The following CRNN variants were observed in gnomAD, a reference collection of about 807,000 sequenced individuals.
CRNN encodes the protein 53 kDa putative calcium-binding protein.
A neutral mutation model predicts 44.7 loss-of-function variants in CRNN; 39 were observed. That is an observed-to-expected ratio of 0.87 (90% confidence interval 0.68 to 1.14). The LOEUF is 1.14. Ranked by LOEUF, CRNN falls within the 50% of genes most tolerant of loss-of-function variation. The pLI, the probability that CRNN is intolerant of heterozygous loss-of-function variation, is 0.00. For synonymous variants in CRNN, 240 were observed against 231.8 expected (o/e 1.04, Z -0.32); for missense variants, 606 against 605.1 (o/e 1.00, Z -0.02).
Position 152,409,942 on chromosome 1 carries a change from C to T in CRNN, c.1140G>A (p.Gln380=), listed in dbSNP as rs756153229. 6.2e-7 allele frequency: 1 copy of T among 1,614,210 alleles called. No individual in the cohort carries two copies. The highest frequency in any genetic ancestry group is 8.5e-7 in the Non-Finnish European group (1 of 1,180,050). The change falls in exon 3 of 3, where the codon CAG becomes CAA. Residue 380 remains glutamine (Q), a synonymous_variant. Coordinates refer to ENST00000271835, the MANE Select transcript of CRNN (RefSeq NM_016190.3). The part of the protein sequence containing the change: ...GAREQGQTQT[Q]PGSGQRWMQV... ...GCATCCATCTTTGACCACTGCCTGG[C>T]TGCGTCTGGGTCTGTCCCTGTTCTC...
chr1:152,409,274 G>C lies in CRNN; in HGVS notation c.*320C>G. On this transcript the variant is annotated 3_prime_UTR_variant, in exon 3 of 3. Coordinates refer to ENST00000271835, the MANE Select transcript of CRNN (RefSeq NM_016190.3). ...GCTTAAGGTTTTATTGATGCATTAG[G>C]GTAGATGGGGCAATAGAGAGATGTC... is the stretch of plus-strand genomic sequence containing the variant. The C allele has an allele frequency of 3.1e-6, 1 of 321,590 alleles. No individual in the cohort carries two copies. The highest frequency in any genetic ancestry group is 5.7e-6 in the Non-Finnish European group (1 of 175,506). The allele number at this position is 321,590 out of a possible 1,614,324, so 19.9% of individuals were successfully genotyped here.
chr1:152,411,963 A>C (rs1387568512), intron 2 of CRNN, 133 bp downstream of exon 2: 1 of 945,442 alleles, frequency 1.1e-6, no homozygotes, highest in East Asian at 2.7e-5. Flanking sequence ...TTCTGCCTGC[A>C]CAGCTGCCAT....
At chr1:152,413,065 C>A (rs1655818153) in intron 1 of CRNN, among the ~76,000 whole-genome samples, 1 of 152,022 alleles carries the variant, frequency 6.6e-6, no homozygotes, top group Non-Finnish European at 1.5e-5. Context: ...GAGGGGGGAA[C>A]CTTCTTTGGG....
chr1:152,410,070 T>A lies in CRNN; in HGVS notation c.1012A>T (p.Thr338Ser), dbSNP rs775893096. The stretch of plus-strand genomic sequence containing the variant: ...TGTCCTCCTGTCACAGCCTGGCTGG[T>A]CTGGCTCCTGCCTTGACCGTGGATC... ...TEIHGQGRSQTSQAVTGGHTQ... is the reference protein window; with the variant it reads ...TEIHGQGRSQSSQAVTGGHTQ... The change falls in exon 3 of 3, where the codon ACC becomes TCC. Residue 338 changes from threonine (T) to serine (S), a missense_variant. By Grantham distance (58) the Thr-to-Ser change is moderately conservative. Coordinates refer to ENST00000271835, the MANE Select transcript of CRNN (RefSeq NM_016190.3). 3.7e-6 allele frequency: 6 copies of A among 1,614,032 alleles called. No individual in the cohort carries two copies. In the East Asian group the frequency reaches 1.1e-4, roughly 30 times the overall value.
In CRNN at chr1:152,409,762, C is replaced by A. The variant is rs1398408884; in HGVS notation, c.1320G>T (p.Glu440Asp). The A allele has an allele frequency of 6.2e-7, 1 of 1,614,260 alleles. No homozygotes were observed. Among genetic ancestry groups the A allele is most frequent in the Non-Finnish European group, 8.5e-7 (1 of 1,180,050 alleles). Residue 440 changes from glutamate (E) to aspartate (D), a missense_variant, in exon 3 of 3, where the codon GAG becomes GAT. Physicochemically the swap from Glu to Asp is conservative, Grantham distance 45. Transcript: ENST00000271835. ...CCCTTGAGTGGTCATCAACCCATTC[C>A]TCACCAACCACTGTGGGCTGTCTGT... ...QGDRQPTVVG[E>D]EWVDDHSRET...
Position 152,410,442 on chromosome 1 carries a change from T to C in CRNN, c.640A>G (p.Thr214Ala). 6 of 1,614,164 alleles carry C rather than the reference T, an allele frequency of 3.7e-6. No homozygotes were observed. Among genetic ancestry groups the C allele is most frequent in the Non-Finnish European group, 5.1e-6 (6 of 1,180,024 alleles). ...TGGTGGGCTCTGTCCTGTTCCCTGGTCTGTGGCTGTCTCTCTGGCCTCATC... is the reference window on the plus strand; with the variant it reads ...TGGTGGGCTCTGTCCTGTTCCCTGGCCTGTGGCTGTCTCTCTGGCCTCATC... ...TEMRPERQPQ[T>A]REQDRAHQTG... Residue 214 changes from threonine to alanine, a missense_variant, in exon 3 of 3, where the codon ACC (threonine) becomes GCC (alanine). Thr to Ala is a moderately conservative substitution (Grantham distance 58, BLOSUM62 0). Coordinates refer to ENST00000271835, the MANE Select transcript of CRNN (RefSeq NM_016190.3).
chr1:152,409,864 A>T lies in CRNN; in HGVS notation c.1218T>A (p.Thr406=). The stretch of plus-strand genomic sequence containing the variant: ...GCCTTCCTGACTCAGTGCTTGCCCC[A>T]GTCTGGGCCTGTCCTCCCGGTACTG... The part of the protein sequence containing the change: ...GETVPGGQAQ[T]GASTESGRQE... The change falls in exon 3 of 3, where the codon ACT becomes ACA. Residue 406 remains threonine, a synonymous_variant. Transcript: ENST00000271835. The T allele has an allele frequency of 6.2e-7, 1 of 1,614,134 alleles. No individual in the cohort carries two copies.
At position 152,409,468 on chromosome 1, in the gene CRNN, C is replaced by T. The variant is rs1362092215; in HGVS notation, c.*126G>A. The T allele has an allele frequency of 2.7e-6, 4 of 1,474,996 alleles. No homozygotes were observed. Among genetic ancestry groups the T allele is most frequent in the Non-Finnish European group, 3.6e-6 (4 of 1,112,414 alleles). The allele number at this position is 1,474,996 out of a possible 1,614,324, so 91.4% of individuals were successfully genotyped here. ...GCAGAAATTATCTCATTGAGAAAGA[C>T]CTAAAAGGGAAGCTGCATAATGAAG... On this transcript the variant is annotated 3_prime_UTR_variant, in exon 3 of 3. Transcript: ENST00000271835.
In CRNN at chr1:152,412,047, T is replaced by C. The variant is rs747687089; in HGVS notation, c.138+49A>G. 22 of 1,529,068 alleles carry C rather than the reference T, an allele frequency of 1.4e-5. No individual in the cohort carries two copies. The South Asian group carries it at 2.6e-4, about 18-fold the overall frequency. 94.7% of individuals were successfully genotyped at this position (1,529,068 alleles called of 1,614,324 possible). A position where few individuals can be genotyped will look rare whatever the true frequency, so the allele number is the denominator to read the frequency against. On this transcript the variant is annotated intron_variant, in intron 2 of 2. Transcript: ENST00000271835. Reference sequence around the variant, plus strand: ...GCAAGGCCTCTGCAGGCAAACCAGGTTTCACTCTCCTGCTATGTCCCCTCT... The same window carrying C: ...GCAAGGCCTCTGCAGGCAAACCAGGCTTCACTCTCCTGCTATGTCCCCTCT...
At chr1:152,412,311 C>T (rs1490537219) in intron 1 of CRNN, 65 bp from the exon 2 acceptor site, 15 of 1,475,148 alleles carry the variant, frequency 1.0e-5, no homozygotes, top group East Asian at 4.7e-5. Flanking sequence ...CTTTATAGCA[C>T]GTCTGCTGCT....
At position 152,410,740 on chromosome 1, in the gene CRNN, G is replaced by A. The variant is rs776277743; in HGVS notation, c.342C>T (p.Gly114=). The part of the protein sequence containing the change: ...SLHSGASQEL[G]EGQRSGTEVG... ...CTTCAGTGCCACTTCTCTGTCCTTC[G>A]CCCAGCTCCTGCGAGGCCCCAGAGT... Residue 114 remains glycine, a synonymous_variant, in exon 3 of 3, where the codon GGC becomes GGT. Transcript: ENST00000271835. 71 of 1,613,902 alleles carry A rather than the reference G, an allele frequency of 4.4e-5. No homozygotes were observed. In the Admixed American group the frequency reaches 1.1e-3, roughly 24 times the overall value.
At position 152,409,397 on chromosome 1, in the gene CRNN, A is replaced by G; in HGVS notation, c.*197T>C. The stretch of plus-strand genomic sequence containing the variant: ...TCTTCCTGCTCCTGAGAGGGTCTGC[A>G]CCGCAAAGCAGGTAAGAAAGAAGAG... On this transcript the variant is annotated 3_prime_UTR_variant, in exon 3 of 3. Transcript: ENST00000271835. The G allele has an allele frequency of 2.1e-6, 2 of 974,724 alleles. No individual in the cohort carries two copies. Among genetic ancestry groups the G allele is most frequent in the South Asian group, 1.8e-5 (1 of 55,194 alleles). 60.4% of individuals were successfully genotyped at this position (974,724 alleles called of 1,614,324 possible).
chr1:152,413,043 G>A (rs1281587441), intron 1 of CRNN, among the ~76,000 whole-genome samples: 1 of 152,088 alleles, frequency 6.6e-6, no homozygotes, highest in African/African-American at 2.4e-5. Context: ...ACCACCTGCT[G>A]GGAATGCTCA....
In CRNN at chr1:152,409,845, C is replaced by T. The variant is rs572874052; in HGVS notation, c.1237G>A (p.Gly413Arg). 6.8e-6 allele frequency: 11 copies of T among 1,614,226 alleles called. 1 individual carries two copies. Among genetic ancestry groups the T allele is most frequent in the African/African-American group, 4.0e-5 (3 of 75,056 alleles). ...QAQTGASTES[G>R]RQEWSSTHPR... ...TGAGTGCTGCTCCACTCCTGCCTTCCTGACTCAGTGCTTGCCCCAGTCTGG... is the reference window on the plus strand; with the variant it reads ...TGAGTGCTGCTCCACTCCTGCCTTCTTGACTCAGTGCTTGCCCCAGTCTGG... Residue 413 changes from glycine to arginine, a missense_variant, in exon 3 of 3, where the codon GGA becomes AGA. Gly to Arg is a moderately radical substitution (Grantham distance 125, BLOSUM62 -2). Transcript: ENST00000271835.
intron 1 of CRNN, among the ~76,000 whole-genome samples, chr1:152,413,557 G>T (rs555131486): frequency 1.3e-5 from 2 of 152,270 alleles, no homozygotes; most frequent in African/African-American, 2.4e-5. Context: ...GCAAAAGGTG[G>T]GCTGTTCAGG....
rs749461159 is a variant in CRNN, at chr1:152,409,859, G to A, written c.1223C>T (p.Ala408Val). 4.3e-6 allele frequency: 7 copies of A among 1,614,178 alleles called. No homozygotes were observed. In the South Asian group the frequency reaches 5.5e-5, roughly 13 times the overall value. Reference protein sequence around the residue: ...TVPGGQAQTGASTESGRQEWS... With the variant: ...TVPGGQAQTGVSTESGRQEWS... ...CTCCTGCCTTCCTGACTCAGTGCTT[G>A]CCCCAGTCTGGGCCTGTCCTCCCGG... Residue 408 changes from alanine to valine, a missense_variant, in exon 3 of 3, where the codon GCA (alanine) becomes GTA (valine). By Grantham distance (64) the Ala-to-Val change is moderately conservative. Coordinates refer to ENST00000271835, the MANE Select transcript of CRNN (RefSeq NM_016190.3).
Position 152,409,906 on chromosome 1 carries a change from G to A in CRNN, c.1176C>T (p.Asn392=), listed in dbSNP as rs1456842948. The A allele has an allele frequency of 6.8e-6, 11 of 1,613,998 alleles. No homozygotes were observed. The East Asian group carries it at 2.2e-4, about 33-fold the overall frequency. Residue 392 remains asparagine, a synonymous_variant, in exon 3 of 3, where the codon AAC becomes AAT. Transcript: ENST00000271835. ...GSGQRWMQVS[N]PEAGETVPGG... ...CCGGTACTGTCTCTCCTGCCTCAGG[G>A]TTGCTCACTTGCATCCATCTTTGAC...
chr1:152,412,085 G>C lies in CRNN; in HGVS notation c.138+11C>G. On this transcript the variant is annotated intron_variant, in intron 2 of 2. Coordinates refer to ENST00000271835, the MANE Select transcript of CRNN (RefSeq NM_016190.3). ...CTATGTCCCCTCTCCACCCGGCTCAGCACACCGTACCACAATCACATCGGC... is the reference window on the plus strand; with the variant it reads ...CTATGTCCCCTCTCCACCCGGCTCACCACACCGTACCACAATCACATCGGC... 1 of 1,595,910 alleles carries C rather than the reference G, an allele frequency of 6.3e-7. No homozygotes were observed. The highest frequency in any genetic ancestry group is 8.6e-7 in the Non-Finnish European group (1 of 1,166,506).
rs768762957 is a variant in CRNN at position 152,412,153 on chromosome 1, C to G, written c.81G>C (p.Ala27=). 71 of 1,613,578 alleles carry G rather than the reference C, an allele frequency of 4.4e-5. No homozygotes were observed. Among genetic ancestry groups the G allele is most frequent in the Non-Finnish European group, 5.5e-5 (65 of 1,179,668 alleles). ...GTCTTTTCAGCTCCCCTCGGGTGAG[C>G]GCTGTGCAGTTGCCCTCCGTCCTTG... ...RYARTEGNCT[A]LTRGELKRLL... Residue 27 remains alanine (A), a synonymous_variant, in exon 2 of 3, where the codon GCG becomes GCC. Transcript: ENST00000271835.
Sources: gnomAD v4.1 joint callset for allele counts (sites outside exome capture counted in the v4.1 genomes callset) on GRCh38, gnomAD v4.1.1 for gene constraint, MANE v1.5 for transcripts, NCBI Gene and HGNC (gene_info 2026-07-23, HGNC 2026-07-21) for gene names.